Variants in MCFD2 observed in about 807,000 individuals in gnomAD.
The protein encoded by MCFD2 is multiple coagulation factor deficiency 2, ER cargo receptor complex subunit, also known as multiple coagulation factor deficiency protein 2.
A neutral mutation model predicts 12.8 loss-of-function variants in MCFD2; 11 were observed. That is an observed-to-expected ratio of 0.86 (90% CI 0.54 to 1.42). MCFD2 has a LOEUF of 1.42. MCFD2 is among the 40% of genes most tolerant of loss of function. The pLI is 0.00. For synonymous variants in MCFD2, 70 were observed against 68.1 expected, an observed-to-expected ratio of 1.03 and a Z score of -0.14; for missense variants, 191 against 178.6, an observed-to-expected ratio of 1.07 and a Z score of -0.40.
In MCFD2 at chr2:46,908,751, G is replaced by T. The variant is rs963811466; in HGVS notation, c.149+272C>A. The T allele has an allele frequency of 2.8e-5, 14 of 507,926 alleles. No homozygotes were observed. The highest frequency in any genetic ancestry group is 3.9e-5 in the Non-Finnish European group (11 of 279,034). The allele number at this position is 507,926 out of a possible 1,614,324, so 31.5% of individuals were successfully genotyped here. On this transcript the variant is annotated intron_variant, in intron 2 of 3. Coordinates refer to ENST00000319466, the MANE Select transcript of MCFD2 (RefSeq NM_139279.6). The surrounding 1 kb of genome is among the most constrained non-coding windows in gnomAD (Gnocchi z 4.5). ...TGTACCTGTGTGTCTATTTGTATGT[G>T]TGTGTGTCTGTCTGTGGTGAAAAAA...
Position 46,901,905 on chromosome 2 carries a change from C to T in MCFD2, c.*3558G>A, listed in dbSNP as rs1468450955. ...TTCATCAGTTTTATTGGTCATATAT[C>T]CAGAATTCATCATATATAAATCTTT... On this transcript the variant is annotated 3_prime_UTR_variant, in exon 4 of 4. Coordinates refer to ENST00000319466, the MANE Select transcript of MCFD2 (RefSeq NM_139279.6). This position sits in a 1 kb window ranked among gnomAD's most constrained non-coding sequence, Gnocchi z 4.3. 6.6e-6 allele frequency: 1 copy of T among 152,590 alleles called. No individual in the cohort carries two copies. The highest frequency in any genetic ancestry group is 2.4e-5 in the African/African-American group (1 of 41,436). 9.5% of individuals were successfully genotyped at this position (152,590 alleles called of 1,614,324 possible).
At chr2:46,931,740 T>C (rs1669720405) in intron 1 of MCFD2, among the ~76,000 whole-genome samples, 1 of 150,560 alleles carries the variant, frequency 6.6e-6, no homozygotes, top group African/African-American at 2.5e-5. Flanking sequence ...GATAAATCCC[T>C]GTCAAATCAT....
At position 46,909,035 on chromosome 2, in the gene MCFD2, A is replaced by C; in HGVS notation, c.137T>G (p.Val46Gly). ...GCTGAATACGTACTCTTGGTCGTGC[A>C]CTGTGTTCTTATCCAGGCCCATGCT... is the stretch of plus-strand genomic sequence containing the variant. ...PGSMGLDKNT[V>G]HDQEHIMEHL... The change falls in exon 2 of 4, where the codon GTG becomes GGG. Residue 46 changes from valine (V) to glycine (G), a missense_variant. Val to Gly is a moderately radical substitution (Grantham distance 109). Transcript: ENST00000319466. 1 of 1,614,210 alleles carries C rather than the reference A, an allele frequency of 6.2e-7. No homozygotes were observed. The highest frequency in any genetic ancestry group is 8.5e-7 in the Non-Finnish European group (1 of 1,180,036).
chr2:46,927,595 C>T (rs1168423046), intron 1 of MCFD2, among the ~76,000 whole-genome samples: 4 of 151,846 alleles, frequency 2.6e-5, no homozygotes, highest in Non-Finnish European at 5.9e-5. Flanking sequence ...CTCCTGACCT[C>T]GTGATCTGCT....
chr2:46,939,178 G>A (rs143089887), intron 1 of MCFD2, among the ~76,000 whole-genome samples: 3 of 152,178 alleles, frequency 2.0e-5, no homozygotes, highest in African/African-American at 7.2e-5. Context: ...CTCTACAGGA[G>A]CTAAACCCAT....
chr2:46,916,017 T>A (rs941365244), upstream of MCFD2: 88 of 985,278 alleles, frequency 8.9e-5, no homozygotes, highest in Non-Finnish European at 1.0e-4. Flanking sequence ...TCCACTCCAG[T>A]TGGGCCGCTG....
In MCFD2 at chr2:46,940,838, G is replaced by C. The variant is rs1469949433; in HGVS notation, c.-8+734C>G. ...AGCTCCCGGGAGGCTCGCCGTCGGG[G>C]TTGGGGCCTGTCGGCCGGCCTCTCC... is the stretch of plus-strand genomic sequence containing the variant. On this transcript the variant is annotated intron_variant, in intron 1 of 2. Coordinates refer to the MCFD2 transcript ENST00000409147. The surrounding 1 kb of genome is among the most constrained non-coding windows in gnomAD (Gnocchi z 4.7). Among the ~76,000 whole-genome samples the C allele has an allele frequency of 6.6e-6, 1 of 152,150 alleles. No homozygotes were observed. The highest frequency in any genetic ancestry group is 1.5e-5 in the Non-Finnish European group (1 of 68,006).
rs377553119 is a variant in MCFD2, at chr2:46,932,178, C to T, written c.-8+9394G>A. On this transcript the variant is annotated intron_variant, in intron 1 of 2. Transcript: ENST00000409147. Reference sequence around the variant, plus strand: ...CTTTTTTTTTTTTTTGAGACAGAGTCTTGCTCTGTCACCCAGGCTGGAGTG... The same window carrying T: ...CTTTTTTTTTTTTTTGAGACAGAGTTTTGCTCTGTCACCCAGGCTGGAGTG... Among the ~76,000 whole-genome samples, 23 of 150,180 alleles carry T rather than the reference C, an allele frequency of 1.5e-4. No individual in the cohort carries two copies. The East Asian group carries it at 4.3e-3, about 28-fold the overall frequency.
Position 46,941,727 on chromosome 2 carries a change from T to A in MCFD2, c.-163A>T, listed in dbSNP as rs1011577334. On this transcript the variant is annotated 5_prime_UTR_variant, in exon 1 of 3. Coordinates refer to the MCFD2 transcript ENST00000409147. This position sits in a 1 kb window ranked among gnomAD's most constrained non-coding sequence, Gnocchi z 4.2. ...CAGCGTTCACCTTTCCGGACACCGG[T>A]GAGTAAGGGAAGAGGCTGGCTCGCC... 6.5e-7 allele frequency: 1 copy of A among 1,549,280 alleles called. No homozygotes were observed.
Position 46,903,135 on chromosome 2 carries a change from T to G in MCFD2, c.*2328A>C, listed in dbSNP as rs1357429071. ...GCCAGTCTTTCCCGTGCTATTCTCG[T>G]GACAGTGAATAAGTCTCATGAGATC... On this transcript the variant is annotated 3_prime_UTR_variant, in exon 4 of 4. Coordinates refer to ENST00000319466, the MANE Select transcript of MCFD2 (RefSeq NM_139279.6). 6.6e-6 allele frequency: 1 copy of G among 152,234 alleles called. No homozygotes were observed. Among genetic ancestry groups the G allele is most frequent in the Non-Finnish European group, 1.5e-5 (1 of 68,094 alleles). The allele number at this position is 152,234 out of a possible 1,614,324, so 9.4% of individuals were successfully genotyped here.
intron 1 of MCFD2, among the ~76,000 whole-genome samples, chr2:46,926,247 A>G (rs943731403): frequency 6.6e-5 from 10 of 152,204 alleles, no homozygotes; most frequent in African/African-American, 2.4e-4. Context: ...TCGGGGAGAC[A>G]TATTTAGTTA....
chr2:46,928,349 C>T (rs1669508655), intron 1 of MCFD2, among the ~76,000 whole-genome samples: 1 of 150,924 alleles, frequency 6.6e-6, no homozygotes, highest in African/African-American at 2.4e-5. Flanking sequence ...CCAGGATCAA[C>T]TATGTCCTCC....
chr2:46,940,392 CG>C lies in MCFD2; in HGVS notation c.-8+1179del, dbSNP rs1041141655. Among the ~76,000 whole-genome samples the C allele has an allele frequency of 5.3e-5, 8 of 152,262 alleles. No homozygotes were observed. The highest frequency in any genetic ancestry group is 1.9e-4 in the African/African-American group (8 of 41,574). On this transcript the variant is annotated intron_variant, in intron 1 of 2. Transcript: ENST00000409147. This position sits in a 1 kb window ranked among gnomAD's most constrained non-coding sequence, Gnocchi z 4.7. ...TCCAGCACTGGTCTGTGAGCTGCGG[CG>C]GCAGCGGGGCCGGGCCCCTGTAAGA...
rs1297520406 is a variant in MCFD2, at chr2:46,940,745, A to ACGGGCCTGGGTCCTCGCGAGCATGC, written c.-8+802_-8+826dup. Among the ~76,000 whole-genome samples the ACGGGCCTGGGTCCTCGCGAGCATGC allele has an allele frequency of 6.6e-6, 1 of 152,184 alleles. No individual in the cohort carries two copies. The highest frequency in any genetic ancestry group is 6.5e-5 in the Admixed American group (1 of 15,284). On this transcript the variant is annotated intron_variant, in intron 1 of 2. Transcript: ENST00000409147. The surrounding 1 kb of genome is among the most constrained non-coding windows in gnomAD (Gnocchi z 4.7). ...CGTCCAGAGAGTCGCGGGCCTGGGA[A>ACGGGCCTGGGTCCTCGCGAGCATGC]CGGGCCTGGGTCCTCGCGAGCATGC...
At position 46,907,972 on chromosome 2, in the gene MCFD2, A is replaced by C; in HGVS notation, c.150-3T>G. The C allele has an allele frequency of 1.2e-6, 2 of 1,614,082 alleles. No individual in the cohort carries two copies. Among genetic ancestry groups the C allele is most frequent in the Non-Finnish European group, 1.7e-6 (2 of 1,180,000 alleles). On this transcript the variant is annotated splice_polypyrimidine_tract_variant and splice_region_variant and intron_variant, in intron 2 of 3. Coordinates refer to ENST00000319466, the MANE Select transcript of MCFD2 (RefSeq NM_139279.6). This position sits in a 1 kb window ranked among gnomAD's most constrained non-coding sequence, Gnocchi z 4.1. ...CTTCTAGATGCTCCATGATATGCCTAAAAATCAACAGTCAGGTTCAGGCCA... is the reference window on the plus strand; with the variant it reads ...CTTCTAGATGCTCCATGATATGCCTCAAAATCAACAGTCAGGTTCAGGCCA...
rs972997857 is a variant in MCFD2 at position 46,937,935 on chromosome 2, T to C, written c.-8+3637A>G. ...AAGAAAACTACTGTGTATATATATG[T>C]AAAAGAGAGAAGTCTGATGGAGACT... On this transcript the variant is annotated intron_variant, in intron 1 of 2. Transcript: ENST00000409147. This position sits in a 1 kb window ranked among gnomAD's most constrained non-coding sequence, Gnocchi z 4.0. Among the ~76,000 whole-genome samples the C allele has an allele frequency of 6.6e-5, 10 of 152,058 alleles. No individual in the cohort carries two copies. The highest frequency in any genetic ancestry group is 1.3e-4 in the Non-Finnish European group (9 of 68,034).
At chr2:46,928,131 A>G (rs1374135593) in intron 1 of MCFD2, among the ~76,000 whole-genome samples, 4 of 151,766 alleles carry the variant, frequency 2.6e-5, no homozygotes, top group Non-Finnish European at 5.9e-5. Context: ...GGCTCAGGTG[A>G]TCTGCCCACC....
chr2:46,936,900 G>A (rs1449778975), intron 1 of MCFD2, among the ~76,000 whole-genome samples: 1 of 150,694 alleles, frequency 6.6e-6, no homozygotes, highest in African/African-American at 2.4e-5. Context: ...TGTCACCCAG[G>A]CTGGAGTGCA....
At chr2:46,939,308 A>G (rs1332168625) in intron 1 of MCFD2, among the ~76,000 whole-genome samples, 1 of 152,086 alleles carries the variant, frequency 6.6e-6, no homozygotes, top group Non-Finnish European at 1.5e-5. Context: ...TAATCCTAGC[A>G]CTTTGGGAGG....
Sources: allele counts gnomAD v4.1 joint callset (sites outside exome capture counted in the v4.1 genomes callset), GRCh38; gene constraint gnomAD v4.1.1; non-coding constraint Gnocchi (gnomAD v3.1); transcripts MANE v1.5; gene names NCBI Gene and HGNC (gene_info 2026-07-23, HGNC 2026-07-21).